The following OPCML variants were observed in gnomAD, a reference collection of about 807,000 sequenced individuals.
The protein encoded by OPCML is opioid-binding protein/cell adhesion molecule.
A neutral mutation model predicts 37.8 loss-of-function variants in OPCML; 13 were observed. The ratio of observed to expected loss-of-function variants is 0.34; its 90% CI spans 0.22 to 0.55. The LOEUF is 0.55. Among genes scored for constraint, OPCML ranks in the 20% least tolerant of loss-of-function variants. The probability of loss-of-function intolerance (pLI) is 0.91; values close to 1 mark genes in which losing one functional copy is unlikely to be tolerated. For missense variants in OPCML, 341 were observed against 435.6 expected (o/e 0.78, Z 1.93); for synonymous variants, 176 against 168.8 (o/e 1.04, Z -0.33).
rs553454929 is a variant in OPCML at position 132,999,457 on chromosome 11, T to C, written c.62-56447A>G. On this transcript the variant is annotated intron_variant, in intron 1 of 7. Transcript: ENST00000524381. ...TGGTGTGAAATTGGCTATTAAAATA[T>C]AGATAAAGTTTAATATATTGAGCTC... is the stretch of plus-strand genomic sequence containing the variant. Among the ~76,000 whole-genome samples, 111 of 151,950 alleles carry C rather than the reference T, an allele frequency of 7.3e-4. 1 individual carries two copies. Among genetic ancestry groups the C allele is most frequent in the African/African-American group, 2.6e-3 (107 of 41,328 alleles).
intron 1 of OPCML, among the ~76,000 whole-genome samples, chr11:133,204,058 C>CAAAAAAAA (rs58343203): frequency 0.014 from 898 of 66,488 alleles, 57 homozygotes; most frequent in Middle Eastern, 0.023. Context: ...GACTCTGTCT[C>CAAAAAAAA]AAAAAAAAAA....
At chr11:132,461,503 G>A (rs986488890) in intron 4 of OPCML, among the ~76,000 whole-genome samples, 3 of 152,054 alleles carry the variant, frequency 2.0e-5, no homozygotes, top group Non-Finnish European at 2.9e-5. Flanking sequence ...TCAATCTGAC[G>A]GTTTATCTGG....
At chr11:132,947,169 A>G (rs759012530) in intron 1 of OPCML, among the ~76,000 whole-genome samples, 7 of 152,166 alleles carry the variant, frequency 4.6e-5, no homozygotes, top group Admixed American at 2.0e-4. Flanking sequence ...CTCATAAAAG[A>G]TTGCTTGAGA....
chr11:132,681,824 G>A (rs552005411), intron 2 of OPCML, among the ~76,000 whole-genome samples: 15 of 152,114 alleles, frequency 9.9e-5, no homozygotes, highest in South Asian at 8.3e-4. Flanking sequence ...GGGTGGTGGC[G>A]GGCACCTGTA....
At chr11:133,402,074 A>G (rs1467912320) in intron 1 of OPCML, among the ~76,000 whole-genome samples, 1 of 152,200 alleles carries the variant, frequency 6.6e-6, no homozygotes, top group East Asian at 1.9e-4. Context: ...GCAACAGAAT[A>G]TCTGGGGCTG....
intron 4 of OPCML, among the ~76,000 whole-genome samples, chr11:132,492,485 TA>T (rs2096219106): frequency 1.3e-5 from 2 of 152,004 alleles, no homozygotes; most frequent in Admixed American, 1.3e-4. Context: ...CTTGAACAAC[TA>T]AAAGAATGGA....
intron 2 of OPCML, among the ~76,000 whole-genome samples, chr11:132,809,330 G>A (rs1939194691): frequency 6.6e-6 from 1 of 152,166 alleles, no homozygotes; most frequent in African/African-American, 2.4e-5. Flanking sequence ...TGTGAAGGAA[G>A]TAGATAATCC....
intron 2 of OPCML, among the ~76,000 whole-genome samples, chr11:132,676,784 A>G (rs374925266): frequency 0.017 from 2,541 of 148,752 alleles, 62 homozygotes; most frequent in African/African-American, 0.05. Context: ...AAAGAAAACA[A>G]ACAAGAAAAA....
chr11:133,191,201 G>A (rs186662883), intron 1 of OPCML, among the ~76,000 whole-genome samples: 59 of 151,764 alleles, frequency 3.9e-4, no homozygotes, highest in African/African-American at 1.3e-3. Context: ...TTATGACTTT[G>A]GTATTTATTT....
At chr11:133,319,065 G>A (rs764073258) in intron 1 of OPCML, among the ~76,000 whole-genome samples, 11 of 152,000 alleles carry the variant, frequency 7.2e-5, no homozygotes, top group Non-Finnish European at 1.5e-4. Flanking sequence ...ATGAGGCCAC[G>A]CAGCTAATAT....
rs543572832 is a variant in OPCML at position 133,060,404 on chromosome 11, C to T, written c.62-117394G>A. 2.3e-3 allele frequency among the ~76,000 whole-genome samples: 351 copies of T among 152,274 alleles called. 5 individuals carry two copies. Among genetic ancestry groups the T allele is most frequent in the Non-Finnish European group, 1.5e-3 (103 of 68,028 alleles). ...AAATATAAGCATCTGACACAATAGCCGCATGCTGTTACATATAGTCACATG... is the reference window on the plus strand; with the variant it reads ...AAATATAAGCATCTGACACAATAGCTGCATGCTGTTACATATAGTCACATG... On this transcript the variant is annotated intron_variant, in intron 1 of 7. Coordinates refer to ENST00000524381, the MANE Select transcript of OPCML (RefSeq NM_001012393.5).
At chr11:133,095,705 C>T (rs1948990865) in intron 1 of OPCML, among the ~76,000 whole-genome samples, 1 of 145,090 alleles carries the variant, frequency 6.9e-6, no homozygotes, top group Non-Finnish European at 1.5e-5. Context: ...AAAAAAATTA[C>T]AAAAAAAAAT....
intron 2 of OPCML, among the ~76,000 whole-genome samples, chr11:132,789,441 T>C (rs1416556062): frequency 6.6e-6 from 1 of 151,406 alleles, no homozygotes; most frequent in East Asian, 1.9e-4. Context: ...AGAAAAAGAG[T>C]TGAAAATAAG....
chr11:132,589,545 G>C (rs934223425), intron 3 of OPCML, among the ~76,000 whole-genome samples: 5 of 152,124 alleles, frequency 3.3e-5, no homozygotes, highest in Non-Finnish European at 5.9e-5. Flanking sequence ...GTTGCTATTC[G>C]AGACACAAGA....
chr11:132,782,733 T>C (rs1477874900), intron 2 of OPCML, among the ~76,000 whole-genome samples: 1 of 151,928 alleles, frequency 6.6e-6, no homozygotes, highest in Non-Finnish European at 1.5e-5. Flanking sequence ...GTGGGTAGGC[T>C]GAAGCGGAGT....
At chr11:133,506,875 G>A (rs1565673515) in intron 1 of OPCML, among the ~76,000 whole-genome samples, 1 of 152,236 alleles carries the variant, frequency 6.6e-6, no homozygotes, top group Non-Finnish European at 1.5e-5. Context: ...TGCAGGTTCG[G>A]GATGGCTGCC....
chr11:133,121,498 A>C (rs938319683), intron 1 of OPCML, among the ~76,000 whole-genome samples: 10 of 152,210 alleles, frequency 6.6e-5, no homozygotes, highest in Non-Finnish European at 1.2e-4. Context: ...ATTATAGTAG[A>C]CTGGCCAAAG....
chr11:132,881,620 A>AAAAAAAT (rs142060369), intron 2 of OPCML, among the ~76,000 whole-genome samples: 9 of 151,314 alleles, frequency 5.9e-5, no homozygotes, highest in East Asian at 3.9e-4. Flanking sequence ...AAATTTAAAA[A>AAAAAAAT]AATAATAATA....
chr11:133,495,666 A>AT (rs1421654780), intron 1 of OPCML, among the ~76,000 whole-genome samples: 1 of 151,778 alleles, frequency 6.6e-6, no homozygotes, highest in Non-Finnish European at 1.5e-5. Context: ...GATATTGAGC[A>AT]TTTTTTCATA....
Sources: gnomAD v4.1 joint callset for allele counts (sites outside exome capture counted in the v4.1 genomes callset) on GRCh38, gnomAD v4.1.1 for gene constraint, MANE v1.5 for transcripts, NCBI Gene and HGNC (gene_info 2026-07-23, HGNC 2026-07-21) for gene names.